ASPSCR1: variants seen among roughly 807,000 people sequenced by gnomAD.
The protein encoded by ASPSCR1 is ASPSCR1 tether for SLC2A4, UBX domain containing.
In ASPSCR1, 55 loss-of-function variants were observed where a neutral mutation model predicts 68.9. The observed-to-expected ratio is 0.80, with a 90% CI of 0.64 to 1.00. The LOEUF is 1.00. ASPSCR1 is among the 50% of genes least tolerant of loss of function. The pLI is 0.00. For synonymous variants in ASPSCR1, 352 were observed against 332.6 expected, an observed-to-expected ratio of 1.06 and a Z score of -0.63; for missense variants, 765 against 762.2, an observed-to-expected ratio of 1.00 and a Z score of -0.04.
chr17:81,997,919 C>T (rs185617864), intron 7 of ASPSCR1, among the ~76,000 whole-genome samples: 7 of 150,404 alleles, frequency 4.7e-5, no homozygotes, highest in East Asian at 2.0e-4. Flanking sequence ...CTCCACCTCC[C>T]GGGTTCAAGC....
In ASPSCR1 at chr17:81,985,526, T is replaced by G. The variant is rs1477107683; in HGVS notation, c.293T>G (p.Leu98Arg). ...PENMVRIALQ[L>R]DDGSRLQDSF... is the part of the protein sequence containing the mutation. ...CTCCAGGTTCGCATCGCTTTGCAGC[T>G]GGACGATGGCTCGAGGTTGCAGGAC... Residue 98 changes from leucine (L) to arginine (R), a missense_variant, in exon 4 of 16, where the codon CTG becomes CGG. Leu to Arg is a moderately radical substitution (Grantham distance 102). Coordinates refer to ENST00000306739, the MANE Select transcript of ASPSCR1 (RefSeq NM_024083.4). The G allele has an allele frequency of 1.9e-6, 3 of 1,613,964 alleles. No homozygotes were observed. In the East Asian group the frequency reaches 6.7e-5, roughly 36 times the overall value.
At chr17:81,995,017 A>G (rs779556818) in intron 5 of ASPSCR1, 139 bp downstream of exon 5, 2 of 993,742 alleles carry the variant, frequency 2.0e-6, no homozygotes, top group East Asian at 5.8e-5. Context: ...GTTTCATGGA[A>G]AAAGAGGGAG....
intron 7 of ASPSCR1, among the ~76,000 whole-genome samples, chr17:82,003,333 AG>A (rs1407410086): frequency 6.6e-6 from 1 of 152,198 alleles, no homozygotes; most frequent in Non-Finnish European, 1.5e-5. Flanking sequence ...CTGTAGCCCC[AG>A]CTACTTGGGA....
chr17:82,016,990 C>G lies in ASPSCR1; in HGVS notation c.1525C>G (p.Pro509Ala). 1 of 1,612,628 alleles carries G rather than the reference C, an allele frequency of 6.2e-7. No homozygotes were observed. The highest frequency in any genetic ancestry group is 8.5e-7 in the Non-Finnish European group (1 of 1,179,904). Residue 509 changes from proline to alanine, a missense_variant, in exon 15 of 16, where the codon CCT becomes GCT. By Grantham distance (27) the Pro-to-Ala change is conservative. Coordinates refer to ENST00000306739, the MANE Select transcript of ASPSCR1 (RefSeq NM_024083.4). Reference sequence around the variant, plus strand: ...CCCTTCCCCATTGCCAGCCCCTGACCCTGCACCTAAGTCTGAGCCAGCTGC... The same window carrying G: ...CCCTTCCCCATTGCCAGCCCCTGACGCTGCACCTAAGTCTGAGCCAGCTGC... ...GSPSPLPAPD[P>A]APKSEPAAEE...
At chr17:81,991,216 G>A (rs2042149618) in intron 4 of ASPSCR1, among the ~76,000 whole-genome samples, 1 of 152,300 alleles carries the variant, frequency 6.6e-6, no homozygotes, top group South Asian at 2.1e-4. Flanking sequence ...AGGTGCCCCC[G>A]GGCTGTGCTG....
chr17:81,992,299 G>A (rs1487888410), intron 4 of ASPSCR1, among the ~76,000 whole-genome samples: 2 of 152,194 alleles, frequency 1.3e-5, no homozygotes, highest in African/African-American at 2.4e-5. Context: ...GGGCCCTGGC[G>A]TCCTGCACAC....
At chr17:81,997,712 A>G (rs914257651) in intron 7 of ASPSCR1, among the ~76,000 whole-genome samples, 4 of 151,412 alleles carry the variant, frequency 2.6e-5, no homozygotes, top group African/African-American at 9.7e-5. Context: ...GATGGTCTCA[A>G]TCTCTTGACC....
chr17:81,995,103 C>A (rs2042294177), intron 5 of ASPSCR1: 1 of 541,732 alleles, frequency 1.8e-6, no homozygotes, highest in Non-Finnish European at 3.2e-6. Context: ...TCTCTCAAAG[C>A]CCAAGAGTCA....
chr17:81,982,977 C>T (rs1246790131), intron 2 of ASPSCR1, among the ~76,000 whole-genome samples: 2 of 152,112 alleles, frequency 1.3e-5, no homozygotes, highest in African/African-American at 4.8e-5. Context: ...CCATGCCCAG[C>T]TTATTTTTTT....
intron 4 of ASPSCR1, among the ~76,000 whole-genome samples, chr17:81,989,330 A>C (rs540200918): frequency 7.9e-5 from 12 of 152,314 alleles, no homozygotes; most frequent in African/African-American, 2.9e-4. Flanking sequence ...TGCCAGCCCC[A>C]CGGTGAGGGT....
chr17:81,985,196 CCA>C (rs1045018341), intron 3 of ASPSCR1, among the ~76,000 whole-genome samples: 7 of 149,978 alleles, frequency 4.7e-5, no homozygotes, highest in African/African-American at 1.7e-4. Flanking sequence ...ATGCACACAT[CCA>C]CACACATACC....
rs1451673526 is a variant in ASPSCR1 at position 81,986,134 on chromosome 17, T to G, written c.374+527T>G. Among the ~76,000 whole-genome samples, 1 of 151,006 alleles carries G rather than the reference T, an allele frequency of 6.6e-6. No individual in the cohort carries two copies. Among genetic ancestry groups the G allele is most frequent in the South Asian group, 2.1e-4 (1 of 4,814 alleles). ...ATCTTCCTAATAGTAATTGGATGGC[T>G]GGGCACAGTGGCTGGGCACAGTGGC... On this transcript the variant is annotated intron_variant, in intron 4 of 15. Transcript: ENST00000306739. This position sits in a 1 kb window ranked among gnomAD's most constrained non-coding sequence, Gnocchi z 5.2.
chr17:81,993,719 C>T (rs1433683744), intron 4 of ASPSCR1, among the ~76,000 whole-genome samples: 1 of 152,276 alleles, frequency 6.6e-6, no homozygotes, highest in South Asian at 2.1e-4. Context: ...CCCAGTACCC[C>T]CCATCCCGGA....
intron 7 of ASPSCR1, chr17:82,007,896 G>A (rs200690070): frequency 2.0e-5 from 3 of 152,280 alleles, no homozygotes; most frequent in Admixed American, 6.5e-5. Context: ...TTGTGGCTTT[G>A]GAAGGGCAGC....
rs529561621 is a variant in ASPSCR1 at position 81,995,243 on chromosome 17, G to A, written c.432+365G>A. 53 of 409,820 alleles carry A rather than the reference G, an allele frequency of 1.3e-4. No homozygotes were observed. In the South Asian group the frequency reaches 2.9e-3, roughly 22 times the overall value. 25.4% of individuals were successfully genotyped at this position (409,820 alleles called of 1,614,324 possible). ...CCTAGCGCTCGTCCCTGGCCTCACA[G>A]GGGCCTTTTGTTTCCACGCTGGCTG... On this transcript the variant is annotated intron_variant, in intron 5 of 15. Coordinates refer to ENST00000306739, the MANE Select transcript of ASPSCR1 (RefSeq NM_024083.4).
intron 6 of ASPSCR1, 93 bp from the exon 7 acceptor site, chr17:81,996,327 G>A (rs541401318): frequency 1.3e-5 from 20 of 1,496,472 alleles, no homozygotes; most frequent in Non-Finnish European, 1.8e-5. Flanking sequence ...GAGAGGGTGA[G>A]CCGGGGGCGG....
intron 5 of ASPSCR1, chr17:81,995,224 G>A (rs1039576491): frequency 3.7e-5 from 17 of 455,568 alleles, no homozygotes; most frequent in South Asian, 1.4e-4. Context: ...CCCTCCTAGC[G>A]CTCGTCCCTG....
rs540853879 is a variant in ASPSCR1, at chr17:81,977,995, C to T, written c.102+247C>T. The T allele has an allele frequency of 3.7e-5, 10 of 270,160 alleles. No homozygotes were observed. Among genetic ancestry groups the T allele is most frequent in the Non-Finnish European group, 6.9e-5 (10 of 145,090 alleles). 16.7% of individuals were successfully genotyped at this position (270,160 alleles called of 1,614,324 possible). A position where few individuals can be genotyped will look rare whatever the true frequency, so the allele number is the denominator to read the frequency against. On this transcript the variant is annotated intron_variant, in intron 1 of 15. Transcript: ENST00000306739. This position sits in a 1 kb window ranked among gnomAD's most constrained non-coding sequence, Gnocchi z 5.0. ...TTCCCAGGGGTGAGGTAGAACGGCG[C>T]CGCGTGTCACCCGCATCGAGTACTC...
intron 2 of ASPSCR1, among the ~76,000 whole-genome samples, chr17:81,981,539 C>T (rs1374740648): frequency 4.6e-5 from 7 of 151,892 alleles, no homozygotes; most frequent in Non-Finnish European, 8.8e-5. Flanking sequence ...CCATCATGCC[C>T]AGCTAATTTT....
Sources: allele counts gnomAD v4.1 joint callset (sites outside exome capture counted in the v4.1 genomes callset), GRCh38; gene constraint gnomAD v4.1.1; non-coding constraint Gnocchi (gnomAD v3.1); transcripts MANE v1.5; gene names NCBI Gene and HGNC (gene_info 2026-07-23, HGNC 2026-07-21).